The following BRCA1 variants were observed in gnomAD, a reference collection of about 807,000 sequenced individuals.
The protein encoded by BRCA1 is BRCA1 DNA repair associated.
Under a neutral mutation model 173.7 loss-of-function variants are expected in BRCA1, and 140 were observed. That is an observed-to-expected ratio of 0.81 (90% confidence interval 0.70 to 0.93). The LOEUF is 0.93. BRCA1 is among the 40% of genes least tolerant of loss of function. The pLI is 0.00. For synonymous variants in BRCA1, 662 were observed against 756.0 expected (o/e 0.88, Z 2.04); for missense variants, 1,983 against 2,172.5 (o/e 0.91, Z 1.73).
At chr17:43,140,643 G>C (rs747076958) in intron 1 of BRCA1, among the ~76,000 whole-genome samples, 5 of 151,986 alleles carry the variant, frequency 3.3e-5, no homozygotes, top group Non-Finnish European at 7.4e-5. Flanking sequence ...CTTTCCAGCC[G>C]ACCAAGAGCA....
chr17:43,091,931 C>A lies in BRCA1; in HGVS notation c.3600G>T (p.Gln1200His), dbSNP rs56214134. ...ATTTCTTGGCCCCTCTTCGGTAACC[C>A]TGAGCCAAATGTGTATGGGTGAAAG... ...PSPFTHTHLAQGYRRGAKKLE... is the reference protein window; with the variant it reads ...PSPFTHTHLAHGYRRGAKKLE... Residue 1200 changes from glutamine (Q) to histidine (H), a missense_variant, in exon 10 of 23, where the codon CAG (glutamine) becomes CAT (histidine). Physicochemically the swap from Gln to His is conservative, Grantham distance 24. Coordinates refer to ENST00000357654, the MANE Select transcript of BRCA1 (RefSeq NM_007294.4). The A allele has an allele frequency of 4.1e-5, 66 of 1,614,128 alleles. No individual in the cohort carries two copies. In the Admixed American group the frequency reaches 6.3e-4, roughly 15 times the overall value.
Position 43,149,711 on chromosome 17 carries a change from C to T in BRCA1, c.-20+20415G>A, listed in dbSNP as rs191333974. Among the ~76,000 whole-genome samples the T allele has an allele frequency of 5.9e-5, 9 of 152,294 alleles. No individual in the cohort carries two copies. The East Asian group carries it at 1.7e-3, about 29-fold the overall frequency. On this transcript the variant is annotated intron_variant, in intron 1 of 7. Coordinates refer to the BRCA1 transcript ENST00000634433. ...GCATAGCCAAATTGGAAACTGTGGACAAATTTCAGAAACTGCACCAAAACT... is the reference window on the plus strand; with the variant it reads ...GCATAGCCAAATTGGAAACTGTGGATAAATTTCAGAAACTGCACCAAAACT...
At chr17:43,094,903 G>A (rs2154502075) in intron 9 of BRCA1, 43 bp from the exon 10 acceptor site, 2 of 1,538,400 alleles carry the variant, frequency 1.3e-6, no homozygotes, top group Non-Finnish European at 1.8e-6. Flanking sequence ...AAACTGAATT[G>A]TCATTAAAAA....
In BRCA1 at chr17:43,091,533, A is replaced by G. The variant is rs1135401872; in HGVS notation, c.3998T>C (p.Val1333Ala). The change falls in exon 10 of 23, where the codon GTT (valine) becomes GCT (alanine). Residue 1333 changes from valine (V) to alanine (A), a missense_variant. By Grantham distance (64) the Val-to-Ala change is moderately conservative. Transcript: ENST00000357654. ...QMRHQSESQG[V>A]GLSDKELVSD... ...AACCAATTCCTTGTCACTCAGACCA[A>G]CTCCCTGGCTTTCAGACTGATGCCT... The G allele has an allele frequency of 1.9e-6, 3 of 1,613,928 alleles. No individual in the cohort carries two copies. The highest frequency in any genetic ancestry group is 1.3e-5 in the African/African-American group (1 of 74,900).
At chr17:43,086,596 T>C (rs938335689) in intron 11 of BRCA1, among the ~76,000 whole-genome samples, 3 of 152,136 alleles carry the variant, frequency 2.0e-5, no homozygotes, top group African/African-American at 7.2e-5. Context: ...CCTGAACAAA[T>C]AGACACATCT....
chr17:43,153,403 CT>C (rs1223591941), intron 1 of BRCA1, among the ~76,000 whole-genome samples: 3 of 152,168 alleles, frequency 2.0e-5, no homozygotes, highest in African/African-American at 4.8e-5. Context: ...GTTTCCCTAG[CT>C]GTGCAGCTGC....
chr17:43,057,202 C>G (rs2051538135), intron 18 of BRCA1, 67 bp from the exon 19 acceptor site: 1 of 1,493,538 alleles, frequency 6.7e-7, no homozygotes, highest in South Asian at 1.1e-5. Context: ...GGAAGTGGAG[C>G]AGACACGTCA....
At chr17:43,142,106 G>A (rs2056079879) in intron 1 of BRCA1, among the ~76,000 whole-genome samples, 1 of 152,112 alleles carries the variant, frequency 6.6e-6, no homozygotes, top group Admixed American at 6.5e-5. Flanking sequence ...TAGAGACGGG[G>A]TTTTGCCATG....
chr17:43,047,376 T>A (rs1254039662), intron 22 of BRCA1, among the ~76,000 whole-genome samples: 1 of 151,962 alleles, frequency 6.6e-6, no homozygotes, highest in Non-Finnish European at 1.5e-5. Flanking sequence ...GCTGGAATTA[T>A]AGGCATGAGC....
chr17:43,096,586 A>C (rs2154519137), intron 8 of BRCA1, among the ~76,000 whole-genome samples: 1 of 151,978 alleles, frequency 6.6e-6, no homozygotes, highest in East Asian at 1.9e-4. Context: ...AAAAAAAAAA[A>C]AAAACCTGGG....
In BRCA1 at chr17:43,092,875, A is replaced by G. The variant is rs762310583; in HGVS notation, c.2656T>C (p.Ser886Pro). Residue 886 changes from serine (S) to proline (P), a missense_variant, in exon 10 of 23, where the codon TCT (serine) becomes CCT (proline). Coordinates refer to ENST00000357654, the MANE Select transcript of BRCA1 (RefSeq NM_007294.4). ...GNAEEECATF[S>P]AHSGSLKKQS... ...TTCTTTAAGGACCCAGAGTGGGCAG[A>G]GAATGTTGCACATTCCTCTTCTGCA... 1.2e-6 allele frequency: 2 copies of G among 1,614,018 alleles called. No individual in the cohort carries two copies. The highest frequency in any genetic ancestry group is 2.2e-5 in the South Asian group (2 of 91,082).
rs1205986423 is a variant in BRCA1, at chr17:43,168,301, A to G, written c.-20+1825T>C. On this transcript the variant is annotated intron_variant, in intron 1 of 7. Coordinates refer to the BRCA1 transcript ENST00000634433. Reference sequence around the variant, plus strand: ...ACATTAGAAAAACATGTATCTTTTAAAAAGGTTTAGAAAAATGACAACTTC... The same window carrying G: ...ACATTAGAAAAACATGTATCTTTTAGAAAGGTTTAGAAAAATGACAACTTC... 8 of 379,754 alleles carry G rather than the reference A, an allele frequency of 2.1e-5. No homozygotes were observed. In the Admixed American group the frequency reaches 3.1e-4, roughly 15 times the overall value. 23.5% of individuals were successfully genotyped at this position (379,754 alleles called of 1,614,324 possible).
chr17:43,059,271 C>G (rs978051902), intron 18 of BRCA1, among the ~76,000 whole-genome samples: 16 of 152,228 alleles, frequency 1.1e-4, no homozygotes, highest in East Asian at 9.6e-4. Flanking sequence ...TAAGACCAGC[C>G]TGGCCAACAT....
rs80357580 is a variant in BRCA1 at position 43,067,648 on chromosome 17, ATTAG to A, written c.5030_5033del (p.Thr1677IlefsTer2). The stretch of plus-strand genomic sequence containing the variant: ...CATGAGTAGTCTCTTCAGTAATTAG[ATTAG>A]TTAAAGTGATGTGGTGTTTTCTGGC... On this transcript the variant is annotated frameshift_variant, in exon 16 of 23. Coordinates refer to ENST00000357654, the MANE Select transcript of BRCA1 (RefSeq NM_007294.4). LOFTEE classifies it high-confidence loss of function. 2 of 1,613,386 alleles carry A rather than the reference ATTAG, an allele frequency of 1.2e-6. No individual in the cohort carries two copies. The highest frequency in any genetic ancestry group is 1.7e-6 in the Non-Finnish European group (2 of 1,179,488).
Position 43,044,397 on chromosome 17 carries a change from G to C in BRCA1, c.*1281C>G, listed in dbSNP as rs975464399. 1 of 506,404 alleles carries C rather than the reference G, an allele frequency of 2.0e-6. No homozygotes were observed. The highest frequency in any genetic ancestry group is 1.9e-5 in the African/African-American group (1 of 52,284). 31.4% of individuals were successfully genotyped at this position (506,404 alleles called of 1,614,324 possible). A position where few individuals can be genotyped will look rare whatever the true frequency, so the allele number is the denominator to read the frequency against. On this transcript the variant is annotated 3_prime_UTR_variant, in exon 23 of 23. Coordinates refer to ENST00000357654, the MANE Select transcript of BRCA1 (RefSeq NM_007294.4). ...TTCACTGCCCTTGCACACTGGGGGG[G>C]CTAGGGAAGACCTAGTCCTTCCAAC... is the stretch of plus-strand genomic sequence containing the variant.
At chr17:43,157,135 A>G (rs757483704) in intron 1 of BRCA1, among the ~76,000 whole-genome samples, 9 of 152,206 alleles carry the variant, frequency 5.9e-5, no homozygotes, top group Non-Finnish European at 1.3e-4. Context: ...CATAGGTAAA[A>G]AGTTACAAAG....
intron 14 of BRCA1, among the ~76,000 whole-genome samples, 172 bp from the exon 15 acceptor site, chr17:43,071,410 T>C (rs879607436): frequency 3.3e-5 from 5 of 152,234 alleles, no homozygotes; most frequent in Non-Finnish European, 5.9e-5. Flanking sequence ...AAAGGAAATA[T>C]GGCATTATGT....
chr17:43,066,459 G>A (rs2052074849), intron 16 of BRCA1, among the ~76,000 whole-genome samples: 1 of 152,124 alleles, frequency 6.6e-6, no homozygotes, highest in African/African-American at 2.4e-5. Context: ...TCGCCAGGCT[G>A]GAGTGCAGTG....
At chr17:43,145,114 G>A (rs549504411) in intron 1 of BRCA1, 4 of 719,248 alleles carry the variant, frequency 5.6e-6, no homozygotes, top group Admixed American at 5.4e-5. Flanking sequence ...TGCAAAAAAA[G>A]GGAAAAGGGG....
Sources: allele counts gnomAD v4.1 joint callset (sites outside exome capture counted in the v4.1 genomes callset), GRCh38; gene constraint gnomAD v4.1.1; transcripts MANE v1.5; gene names NCBI Gene and HGNC (gene_info 2026-07-23, HGNC 2026-07-21).